CALCR: variants seen among roughly 807,000 people sequenced by gnomAD.
CALCR encodes the protein calcitonin receptor.
CALCR carries 47 observed loss-of-function variants against 59.5 expected under a neutral mutation model. The ratio of observed to expected loss-of-function variants is 0.79; its 90% CI spans 0.63 to 1.01. The LOEUF (loss-of-function observed/expected upper bound fraction) is 1.01, where lower values mean the gene tolerates loss of function less well. Ranked by LOEUF, CALCR falls within the 50% of genes least tolerant of loss-of-function variation. CALCR has a pLI of 0.00. For missense variants in CALCR, 566 were observed against 597.1 expected, an observed-to-expected ratio of 0.95 and a Z score of 0.54; for synonymous variants, 213 against 211.3, an observed-to-expected ratio of 1.01 and a Z score of -0.07.
Position 93,434,240 on chromosome 7 carries a change from A to G in CALCR, c.1191+13T>C, listed in dbSNP as rs1799723703. On this transcript the variant is annotated intron_variant, in intron 13 of 13. Coordinates refer to ENST00000426151, the MANE Select transcript of CALCR (RefSeq NM_001742.4). ...ACAAACAAGTGATAGTATTATATGA[A>G]ATGCATGCTTACCTCATTGTTGCAG... The G allele has an allele frequency of 1.9e-6, 3 of 1,595,050 alleles. No individual in the cohort carries two copies. In the African/African-American group the frequency reaches 4.0e-5, roughly 21 times the overall value.
intron 8 of CALCR, among the ~76,000 whole-genome samples, chr7:93,458,478 C>A (rs753346479): frequency 6.6e-6 from 1 of 152,150 alleles, no homozygotes; most frequent in African/African-American, 2.4e-5. Flanking sequence ...ATGCACTTTC[C>A]ATCCTGCTCC....
intron 7 of CALCR, among the ~76,000 whole-genome samples, chr7:93,462,758 T>C (rs1297790920): frequency 6.6e-6 from 1 of 152,022 alleles, no homozygotes; most frequent in Non-Finnish European, 1.5e-5. Context: ...AATGACTTCA[T>C]TAACTTCATT....
chr7:93,572,720 T>C (rs1252302311), intron 2 of CALCR, among the ~76,000 whole-genome samples: 1 of 152,182 alleles, frequency 6.6e-6, no homozygotes, highest in Non-Finnish European at 1.5e-5. Context: ...CCATCAATCA[T>C]TACCTCCAGT....
intron 2 of CALCR, among the ~76,000 whole-genome samples, chr7:93,529,828 G>A (rs544114665): frequency 3.9e-5 from 6 of 152,218 alleles, no homozygotes; most frequent in African/African-American, 1.2e-4. Flanking sequence ...ATAGTCACTG[G>A]AAAATCAAAC....
chr7:93,520,918 G>C (rs1801748958), intron 2 of CALCR, among the ~76,000 whole-genome samples: 1 of 152,032 alleles, frequency 6.6e-6, no homozygotes, highest in African/African-American at 2.4e-5. Context: ...GAGACCATTA[G>C]CAACAAATAC....
intron 2 of CALCR, among the ~76,000 whole-genome samples, chr7:93,572,274 A>G (rs1790023633): frequency 6.6e-6 from 1 of 152,098 alleles, no homozygotes; most frequent in Admixed American, 6.6e-5. Context: ...AACAACATTT[A>G]TTTTTATCAA....
intron 2 of CALCR, among the ~76,000 whole-genome samples, chr7:93,556,635 T>C (rs1035091534): frequency 8.6e-5 from 13 of 151,966 alleles, no homozygotes; most frequent in Non-Finnish European, 1.9e-4. Context: ...GTGTAGAATG[T>C]ATAATTTTAC....
In CALCR at chr7:93,488,582, G is replaced by GCA. The variant is rs770479251; in HGVS notation, c.-26-1576_-26-1575insTG. Among the ~76,000 whole-genome samples the GCA allele has an allele frequency of 5.3e-4, 41 of 78,028 alleles. 5 individuals are homozygous for GCA. The highest frequency in any genetic ancestry group is 2.6e-3 in the East Asian group (6 of 2,266). The allele number at this position is 78,028 out of a possible 152,430, so 51.2% of individuals were successfully genotyped here. A position where few individuals can be genotyped will look rare whatever the true frequency, so the allele number is the denominator to read the frequency against. On this transcript the variant is annotated intron_variant, in intron 2 of 13. Coordinates refer to ENST00000426151, the MANE Select transcript of CALCR (RefSeq NM_001742.4). ...GGAAAATTTACCAAGCAAATGGAAA[G>GCA]AAAAAAAAAAAAAAAAAAAGCATGG...
intron 6 of CALCR, among the ~76,000 whole-genome samples, 180 bp from the exon 7 acceptor site, chr7:93,468,986 A>G (rs1800497061): frequency 6.6e-6 from 1 of 151,910 alleles, no homozygotes; most frequent in African/African-American, 2.4e-5. Context: ...ATGTCATTTT[A>G]TGAAAATAAA....
At chr7:93,573,401 A>G (rs1790049195) in intron 2 of CALCR, among the ~76,000 whole-genome samples, 1 of 152,238 alleles carries the variant, frequency 6.6e-6, no homozygotes, top group Non-Finnish European at 1.5e-5. Flanking sequence ...AATAATTTCA[A>G]CAAATAGCCT....
At chr7:93,437,929 T>G in intron 11 of CALCR, 131 bp downstream of exon 11, 1 of 879,914 alleles carries the variant, frequency 1.1e-6, no homozygotes, top group Non-Finnish European at 1.7e-6. Context: ...AATTGCTTTT[T>G]TTTACTACAG....
intron 2 of CALCR, among the ~76,000 whole-genome samples, chr7:93,533,421 A>G (rs1305124914): frequency 6.6e-6 from 1 of 151,970 alleles, no homozygotes. Flanking sequence ...TCTTTCCTCC[A>G]GAAGCCTGAC....
chr7:93,542,623 T>C (rs991167066), intron 2 of CALCR, among the ~76,000 whole-genome samples: 22 of 152,192 alleles, frequency 1.4e-4, no homozygotes, highest in African/African-American at 4.6e-4. Flanking sequence ...ATTTATGAGC[T>C]TTTAAATCTT....
At chr7:93,496,000 G>T in intron 2 of CALCR, 2 of 1,249,998 alleles carry the variant, frequency 1.6e-6, no homozygotes, top group African/African-American at 1.5e-5. Flanking sequence ...ATGAAAATCA[G>T]TAAATCAATG....
intron 2 of CALCR, among the ~76,000 whole-genome samples, chr7:93,561,605 G>C (rs1789749879): frequency 6.6e-6 from 1 of 152,060 alleles, no homozygotes. Context: ...GGATATTTTT[G>C]ATCCAGAAGG....
intron 2 of CALCR, among the ~76,000 whole-genome samples, chr7:93,494,879 G>C (rs1455858720): frequency 6.6e-6 from 1 of 151,352 alleles, no homozygotes; most frequent in African/African-American, 2.4e-5. Flanking sequence ...GGGAGAGAGA[G>C]TTAATGAGAG....
chr7:93,445,133 G>T (rs542530189), intron 8 of CALCR, among the ~76,000 whole-genome samples: 1 of 152,188 alleles, frequency 6.6e-6, no homozygotes, highest in South Asian at 2.1e-4. Context: ...GTACAGTGGT[G>T]CAGATAATTA....
At chr7:93,531,401 T>A (rs1788833293) in intron 2 of CALCR, among the ~76,000 whole-genome samples, 1 of 152,084 alleles carries the variant, frequency 6.6e-6, no homozygotes, top group Admixed American at 6.6e-5. Context: ...TGGTTTCTCA[T>A]ATGTCCATCC....
chr7:93,474,877 T>C (rs191188576), intron 5 of CALCR, among the ~76,000 whole-genome samples: 1 of 151,946 alleles, frequency 6.6e-6, no homozygotes, highest in Admixed American at 6.6e-5. Flanking sequence ...GATGGCTATG[T>C]TCTTTTTTAG....
Sources: gnomAD v4.1 joint callset for allele counts (sites outside exome capture counted in the v4.1 genomes callset) on GRCh38, gnomAD v4.1.1 for gene constraint, MANE v1.5 for transcripts, NCBI Gene and HGNC (gene_info 2026-07-23, HGNC 2026-07-21) for gene names.